The following FAM9C variants were observed in gnomAD, a reference collection of about 807,000 sequenced individuals.
The protein encoded by FAM9C is family with sequence similarity 9 member C.
In FAM9C, 15 loss-of-function variants were observed where a neutral mutation model predicts 14.8. The ratio of observed to expected loss-of-function variants is 1.02; its 90% confidence interval spans 0.68 to 1.56. The LOEUF is 1.56. Among genes scored for constraint, FAM9C ranks in the 40% most tolerant of loss-of-function variants. FAM9C has a pLI of 0.00. For synonymous variants in FAM9C, 45 were observed against 37.5 expected, an observed-to-expected ratio of 1.20 and a Z score of -0.74; for missense variants, 116 against 118.0, an observed-to-expected ratio of 0.98 and a Z score of 0.08.
At chrX:13,040,947 G>T in intron 4 of FAM9C, 75 bp from the exon 5 acceptor site, 1 of 520,575 alleles carries the variant, frequency 1.9e-6, no homozygotes, top group Non-Finnish European at 3.0e-6. Context: ...AATCAATATG[G>T]GACTTGATGG....
At chrX:13,038,340 A>G in intron 7 of FAM9C, 76 bp downstream of exon 7, 1 of 833,843 alleles carries the variant, frequency 1.2e-6, no homozygotes. Context: ...ACATTCAGAA[A>G]CAAGCAGATT....
chrX:13,037,731 C>T (rs1464880287), intron 7 of FAM9C: 3 of 112,727 alleles, frequency 2.7e-5, no homozygotes, highest in African/African-American at 9.7e-5. Context: ...CATGAAGAAG[C>T]GGTCATTGTC....
chrX:13,039,972 C>CCCT, intron 5 of FAM9C, 56 bp from the exon 6 acceptor site: 1 of 964,826 alleles, frequency 1.0e-6, no homozygotes, highest in Non-Finnish European at 1.4e-6. Flanking sequence ...AAAAATTAAT[C>CCCT]CTATTCAAAC....
chrX:13,039,759 T>C (rs1314299631), intron 6 of FAM9C, 49 bp downstream of exon 6: 18 of 1,164,287 alleles, frequency 1.5e-5, no homozygotes, highest in Non-Finnish European at 1.9e-5. Context: ...TATTACTACC[T>C]GAGACATTGA....
Position 13,038,509 on chromosome X carries a change from G to C in FAM9C, c.439-6C>G. ...TGTTGCTCTTGAAATATTTTCTAGA[G>C]GCACAAAACAAAAAAGTGATTAAAA... On this transcript the variant is annotated splice_region_variant and splice_polypyrimidine_tract_variant and intron_variant, in intron 6 of 7. Coordinates refer to ENST00000380625, the MANE Select transcript of FAM9C (RefSeq NM_174901.6). The C allele has an allele frequency of 8.3e-7, 1 of 1,197,799 alleles. No individual in the cohort carries two copies. Among genetic ancestry groups the C allele is most frequent in the Non-Finnish European group, 1.1e-6 (1 of 889,039 alleles).
intron 2 of FAM9C, 116 bp from the exon 3 acceptor site, chrX:13,043,364 A>G: frequency 2.1e-6 from 2 of 969,974 alleles, no homozygotes; most frequent in African/African-American, 1.9e-5. Context: ...TTAAAGCTTT[A>G]CCGCAGAGCT....
chrX:13,036,802 C>G (rs942027774), intron 7 of FAM9C: 1 of 110,322 alleles, frequency 9.1e-6, no homozygotes, highest in Admixed American at 9.7e-5. Context: ...CAAATATGCA[C>G]GAATAAAAAA....
At position 13,043,140 on chromosome X, in the gene FAM9C, T is replaced by C; in HGVS notation, c.170A>G (p.Asp57Gly). 8.3e-7 allele frequency: 1 copy of C among 1,209,048 alleles called. No homozygotes were observed. Among genetic ancestry groups the C allele is most frequent in the Non-Finnish European group, 1.1e-6 (1 of 894,680 alleles). The stretch of plus-strand genomic sequence containing the variant: ...TTAAACACTTTACCCCGTGTGTTCA[T>C]CTGTTTCAGCAAAAGATCCTCTTTC... ...HGERGSFAETDEHTGVDTKEL... is the reference protein window; with the variant it reads ...HGERGSFAETGEHTGVDTKEL... Residue 57 changes from aspartate (D) to glycine (G), a missense_variant, in exon 3 of 8, where the codon GAT (aspartate) becomes GGT (glycine). Coordinates refer to ENST00000380625, the MANE Select transcript of FAM9C (RefSeq NM_174901.6).
Position 13,039,925 on chromosome X carries a change from CATA to C in FAM9C, c.330-12_330-10del, listed in dbSNP as rs752367122. On this transcript the variant is annotated splice_polypyrimidine_tract_variant and intron_variant, in intron 5 of 7. Transcript: ENST00000380625. ...TATAATCACGTTTCTGCCTGTAACA[CATA>C]ATAAGTAACAAGGTCATACGTCATA... 413 of 1,177,459 alleles carry C rather than the reference CATA, an allele frequency of 3.5e-4. No homozygotes were observed. The highest frequency in any genetic ancestry group is 4.4e-4 in the Non-Finnish European group (387 of 874,408).
Position 13,035,693 on chromosome X carries a change from G to A in FAM9C, c.*351C>T, listed in dbSNP as rs1422324829. 8.9e-6 allele frequency: 1 copy of A among 112,225 alleles called. No individual in the cohort carries two copies. The highest frequency in any genetic ancestry group is 1.9e-5 in the Non-Finnish European group (1 of 53,160). 9.2% of individuals were successfully genotyped at this position (112,225 alleles called of 1,213,427 possible). A position where few individuals can be genotyped will look rare whatever the true frequency, so the allele number is the denominator to read the frequency against. On this transcript the variant is annotated 3_prime_UTR_variant, in exon 8 of 8. Coordinates refer to ENST00000380625, the MANE Select transcript of FAM9C (RefSeq NM_174901.6). ...CTTTCCACATTTTGGAACTGATACA[G>A]ATCCACAGAGGCCAAACCTAAAACT...
At chrX:13,041,859 T>A (rs1175529945) in intron 4 of FAM9C, 3 of 112,151 alleles carry the variant, frequency 2.7e-5, no homozygotes, top group African/African-American at 9.7e-5. Context: ...TACCATCAAT[T>A]GCTGAGAATA....
chrX:13,040,993 T>G, intron 4 of FAM9C, 121 bp from the exon 5 acceptor site: 5 of 374,120 alleles, frequency 1.3e-5, no homozygotes, highest in Admixed American at 5.8e-5. Context: ...AAATGTAAAA[T>G]GCAAAGATCA....
chrX:13,044,323 C>CCG (rs1245080273), intron 1 of FAM9C, among the ~76,000 whole-genome samples: 1 of 101,550 alleles, frequency 9.8e-6, no homozygotes, highest in Admixed American at 1.0e-4. Flanking sequence ...ACCCCCCGAC[C>CCG]CCCCCCCAAA....
At chrX:13,039,753 A>G in intron 6 of FAM9C, 55 bp downstream of exon 6, 3 of 1,155,883 alleles carry the variant, frequency 2.6e-6, no homozygotes, top group Non-Finnish European at 3.4e-6. Flanking sequence ...ATGAACTATT[A>G]CTACCTGAGA....
intron 1 of FAM9C, 43 bp downstream of exon 1, chrX:13,044,496 GC>G (rs1435438117): frequency 9.0e-6 from 1 of 111,430 alleles, no homozygotes; most frequent in African/African-American, 3.3e-5. Flanking sequence ...TCCCCAAAGG[GC>G]CTCTGGCCCG....
intron 4 of FAM9C, chrX:13,041,897 C>T (rs1476505657): frequency 2.7e-5 from 3 of 112,010 alleles, no homozygotes; most frequent in Non-Finnish European, 5.6e-5. Flanking sequence ...AAGAGCTGCA[C>T]CATAATACAA....
rs2043550827 is a variant in FAM9C at position 13,043,772 on chromosome X, C to T, written c.18G>A (p.Gln6=). ...GGGCGGCCATAACTTGAACCTCCAACTGGTCCTTGGCAGCCATCCTGCTGC... is the reference window on the plus strand; with the variant it reads ...GGGCGGCCATAACTTGAACCTCCAATTGGTCCTTGGCAGCCATCCTGCTGC... MAAKD[Q]LEVQVMAAQE... The change falls in exon 2 of 8, where the codon CAG becomes CAA. Residue 6 remains glutamine (Q), a synonymous_variant. Coordinates refer to ENST00000380625, the MANE Select transcript of FAM9C (RefSeq NM_174901.6). 6 of 1,212,549 alleles carry T rather than the reference C, an allele frequency of 4.9e-6. No homozygotes were observed. Among genetic ancestry groups the T allele is most frequent in the African/African-American group, 1.7e-5 (1 of 58,038 alleles).
At chrX:13,041,620 T>C (rs2043528595) in intron 4 of FAM9C, 1 of 112,368 alleles carries the variant, frequency 8.9e-6, no homozygotes, top group Non-Finnish European at 1.9e-5. Flanking sequence ...TAATACACAA[T>C]AAAGAAAGTA....
chrX:13,039,385 C>T (rs780426306), intron 6 of FAM9C, among the ~76,000 whole-genome samples: 8 of 111,125 alleles, frequency 7.2e-5, no homozygotes, highest in African/African-American at 9.8e-5. Flanking sequence ...AGGGACCTGA[C>T]GCCTATTGAA....
Sources: gnomAD v4.1 joint callset for allele counts (sites outside exome capture counted in the v4.1 genomes callset) on GRCh38, gnomAD v4.1.1 for gene constraint, MANE v1.5 for transcripts, NCBI Gene and HGNC (gene_info 2026-07-23, HGNC 2026-07-21) for gene names.